The following NKAIN3 variants were observed in gnomAD, a reference collection of about 807,000 sequenced individuals.
NKAIN3 encodes sodium/potassium-transporting ATPase subunit beta-1-interacting protein 3.
Under a neutral mutation model 30.2 loss-of-function variants are expected in NKAIN3, and 25 were observed. The ratio of observed to expected loss-of-function variants is 0.83; its 90% CI spans 0.60 to 1.16. The LOEUF is 1.16. NKAIN3 is among the 50% of genes most tolerant of loss of function. The pLI is 0.00. For synonymous variants in NKAIN3, 91 were observed against 89.6 expected, an observed-to-expected ratio of 1.02 and a Z score of -0.09; for missense variants, 225 against 254.1, an observed-to-expected ratio of 0.89 and a Z score of 0.78.
intron 3 of NKAIN3, among the ~76,000 whole-genome samples, chr8:62,640,476 A>C (rs1812275678): frequency 6.6e-6 from 1 of 152,048 alleles, no homozygotes; most frequent in Admixed American, 6.6e-5. Context: ...CTTTTCTTAT[A>C]AATTGCCTAG....
chr8:62,985,858 C>T (rs74459108), downstream of NKAIN3, among the ~76,000 whole-genome samples: 2,712 of 152,188 alleles, frequency 0.018, 90 homozygotes, highest in African/African-American at 0.061. Context: ...AGCAGGGAGG[C>T]TTGTTTTAGT....
chr8:62,983,363 G>T lies in NKAIN3; in HGVS notation c.*17956G>T, dbSNP rs952477577. 4 of 152,130 alleles carry T rather than the reference G, an allele frequency of 2.6e-5. No individual in the cohort carries two copies. The highest frequency in any genetic ancestry group is 2.6e-4 in the Admixed American group (4 of 15,266). The allele number at this position is 152,130 out of a possible 1,614,324, so 9.4% of individuals were successfully genotyped here. A position where few individuals can be genotyped will look rare whatever the true frequency, so the allele number is the denominator to read the frequency against. On this transcript the variant is annotated 3_prime_UTR_variant, in exon 7 of 7. Coordinates refer to ENST00000623646, the MANE Select transcript of NKAIN3 (RefSeq NM_001304533.3). ...CACAAGCCGGGCTCTGATAGGAGGT[G>T]CCAGTGCTTTTCTTCTTCCAGTTTC...
chr8:62,440,195 A>ACTAGG (rs1471411778), intron 1 of NKAIN3, among the ~76,000 whole-genome samples: 15 of 152,304 alleles, frequency 9.8e-5, no homozygotes, highest in Middle Eastern at 3.4e-3. Context: ...CATACTGAAC[A>ACTAGG]CTAAAAGGAC....
At chr8:62,663,133 C>G (rs1172676310) in intron 3 of NKAIN3, among the ~76,000 whole-genome samples, 2 of 152,090 alleles carry the variant, frequency 1.3e-5, no homozygotes, top group Non-Finnish European at 2.9e-5. Flanking sequence ...CCCTGTGCTG[C>G]CCAAAGCAGA....
intron 4 of NKAIN3, among the ~76,000 whole-genome samples, chr8:62,912,686 G>A (rs1265964022): frequency 6.6e-6 from 1 of 152,042 alleles, no homozygotes; most frequent in Non-Finnish European, 1.5e-5. Flanking sequence ...GAGGAGGACG[G>A]ATCACCTGAG....
intron 3 of NKAIN3, among the ~76,000 whole-genome samples, chr8:62,646,367 G>A (rs1326752837): frequency 6.6e-6 from 1 of 152,106 alleles, no homozygotes; most frequent in Non-Finnish European, 1.5e-5. Flanking sequence ...AGAGAGTTAG[G>A]TTTGGAATCT....
rs750938232 is a variant in NKAIN3, at chr8:62,554,747, T to G, written c.55-24792T>G. 1.2e-4 allele frequency among the ~76,000 whole-genome samples: 18 copies of G among 152,202 alleles called. No individual in the cohort carries two copies. In the Middle Eastern group the frequency reaches 0.01, roughly 86 times the overall value. On this transcript the variant is annotated intron_variant, in intron 1 of 6. Coordinates refer to ENST00000623646, the MANE Select transcript of NKAIN3 (RefSeq NM_001304533.3). ...TCACAAAATTTTCCAAAGATATGCTTAACAATAATCCTGGTGTTGCACATT... is the reference window on the plus strand; with the variant it reads ...TCACAAAATTTTCCAAAGATATGCTGAACAATAATCCTGGTGTTGCACATT...
intron 4 of NKAIN3, among the ~76,000 whole-genome samples, chr8:62,889,541 T>C (rs1354044286): frequency 6.6e-6 from 1 of 152,194 alleles, no homozygotes; most frequent in East Asian, 1.9e-4. Context: ...TTCTCACTGA[T>C]AAAATCTAAC....
At chr8:62,347,900 A>C (rs1457149263) in intron 1 of NKAIN3, among the ~76,000 whole-genome samples, 1 of 152,166 alleles carries the variant, frequency 6.6e-6, no homozygotes, top group African/African-American at 2.4e-5. Flanking sequence ...ATTCTTCATT[A>C]ATCAGATAGG....
At chr8:62,588,607 TAC>T (rs2130099173) in intron 2 of NKAIN3, among the ~76,000 whole-genome samples, 1 of 151,940 alleles carries the variant, frequency 6.6e-6, no homozygotes, top group East Asian at 1.9e-4. Flanking sequence ...ATACCTATAT[TAC>T]ACAGAGTCTA....
intron 1 of NKAIN3, 141 bp downstream of exon 1, chr8:62,249,268 C>T (rs34792901): frequency 1.4e-6 from 1 of 720,802 alleles, no homozygotes; most frequent in Non-Finnish European, 2.2e-6. Flanking sequence ...CCCTCCCCAC[C>T]GCCTGGCTGG....
chr8:62,784,649 T>C (rs1817459986), intron 4 of NKAIN3, among the ~76,000 whole-genome samples: 1 of 151,916 alleles, frequency 6.6e-6, no homozygotes, highest in African/African-American at 2.4e-5. Flanking sequence ...ACAACAAAAA[T>C]ATCCTAAGCC....
At chr8:62,262,537 A>T (rs1331382957) in intron 1 of NKAIN3, among the ~76,000 whole-genome samples, 3 of 152,130 alleles carry the variant, frequency 2.0e-5, no homozygotes, top group Admixed American at 1.3e-4. Flanking sequence ...ATTGCCAAAG[A>T]TTTGAATGTG....
intron 3 of NKAIN3, among the ~76,000 whole-genome samples, chr8:62,709,193 A>G (rs906070917): frequency 2.0e-5 from 3 of 151,980 alleles, no homozygotes; most frequent in Non-Finnish European, 4.4e-5. Context: ...TTTTCTGGCT[A>G]TGTCCTTTCC....
At chr8:62,942,442 C>T (rs955335332) in intron 5 of NKAIN3, among the ~76,000 whole-genome samples, 1 of 150,788 alleles carries the variant, frequency 6.6e-6, no homozygotes, top group African/African-American at 2.4e-5. Flanking sequence ...TGTGAAATGA[C>T]CATACTTCCA....
rs556782492 is a variant in NKAIN3, at chr8:62,634,990, T to C, written c.273+45196T>C. 1.4e-4 allele frequency among the ~76,000 whole-genome samples: 22 copies of C among 152,130 alleles called. No homozygotes were observed. The South Asian group carries it at 1.7e-3, about 11-fold the overall frequency. ...AGAAGGAAAAGATAAAAGCTCAACA[T>C]TCATAACAAGACAAGAGAGAACCTG... On this transcript the variant is annotated intron_variant, in intron 3 of 6. Coordinates refer to ENST00000623646, the MANE Select transcript of NKAIN3 (RefSeq NM_001304533.3).
At chr8:62,683,285 C>T (rs535050177) in intron 3 of NKAIN3, among the ~76,000 whole-genome samples, 85 of 152,264 alleles carry the variant, frequency 5.6e-4, no homozygotes, top group Non-Finnish European at 9.6e-4. Flanking sequence ...CCGCCCACCT[C>T]GGCCTCCCAA....
chr8:62,635,032 TGG>T (rs991056482), intron 3 of NKAIN3, among the ~76,000 whole-genome samples: 11 of 151,730 alleles, frequency 7.2e-5, no homozygotes, highest in African/African-American at 2.7e-4. Context: ...CTAATTTACC[TGG>T]GGGGTCGGGG....
intron 1 of NKAIN3, among the ~76,000 whole-genome samples, chr8:62,256,131 A>T (rs1434184134): frequency 6.6e-6 from 1 of 152,018 alleles, no homozygotes; most frequent in East Asian, 1.9e-4. Flanking sequence ...TTTAGGACGG[A>T]TACTGGGTGT....
Sources: gnomAD v4.1 joint callset for allele counts (sites outside exome capture counted in the v4.1 genomes callset) on GRCh38, gnomAD v4.1.1 for gene constraint, MANE v1.5 for transcripts, NCBI Gene and HGNC (gene_info 2026-07-23, HGNC 2026-07-21) for gene names.